Variants in MAD1L1 observed in about 807,000 individuals in gnomAD.
MAD1L1 encodes the protein mitotic arrest deficient 1 like 1.
A neutral mutation model predicts 96.9 loss-of-function variants in MAD1L1; 95 were observed. That is an observed-to-expected ratio of 0.98 (90% CI 0.83 to 1.16). The LOEUF (loss-of-function observed/expected upper bound fraction) is 1.16, where lower values mean the gene tolerates loss of function less well. Ranked by LOEUF, MAD1L1 falls within the 50% of genes most tolerant of loss-of-function variation. The probability of loss-of-function intolerance (pLI) is 0.00; values close to 1 mark genes in which losing one functional copy is unlikely to be tolerated. For synonymous variants in MAD1L1, 473 were observed against 396.6 expected, an observed-to-expected ratio of 1.19 and a Z score of -2.29; for missense variants, 1,007 against 954.4, an observed-to-expected ratio of 1.06 and a Z score of -0.73.
chr7:1,894,575 T>TG lies in MAD1L1; in HGVS notation c.1998+3624dup, dbSNP rs200691141. Among the ~76,000 whole-genome samples, 619 of 152,186 alleles carry TG rather than the reference T, an allele frequency of 4.1e-3. 5 individuals are homozygous for TG. Among genetic ancestry groups the TG allele is most frequent in the African/African-American group, 0.014 (566 of 41,514 alleles). On this transcript the variant is annotated intron_variant, in intron 18 of 18. Coordinates refer to ENST00000265854, the MANE Select transcript of MAD1L1 (RefSeq NM_001013836.2). Reference sequence around the variant, plus strand: ...CTCCACAGGTGAGGAGACTGAAACTTGGGGAGGTGAGGCTGCATGCCCAGT... The same window carrying TG: ...CTCCACAGGTGAGGAGACTGAAACTTGGGGGAGGTGAGGCTGCATGCCCAGT...
At chr7:2,011,674 G>C (rs755081237) in intron 13 of MAD1L1, among the ~76,000 whole-genome samples, 2 of 152,206 alleles carry the variant, frequency 1.3e-5, no homozygotes, top group Non-Finnish European at 2.9e-5. Context: ...CAAGGCATCA[G>C]GTCACGCTGT....
At chr7:1,989,301 C>G (rs1781300240) in intron 14 of MAD1L1, among the ~76,000 whole-genome samples, 1 of 152,240 alleles carries the variant, frequency 6.6e-6, no homozygotes. Flanking sequence ...TCTCTCACGC[C>G]CAGGAGCGTT....
chr7:1,970,419 C>T (rs1272136712), intron 15 of MAD1L1, among the ~76,000 whole-genome samples: 3 of 150,666 alleles, frequency 2.0e-5, no homozygotes, highest in Non-Finnish European at 3.0e-5. Context: ...CTGCAACCTC[C>T]ACCTCCCAGG....
chr7:1,890,991 G>A (rs941877448), intron 18 of MAD1L1, among the ~76,000 whole-genome samples: 3 of 152,058 alleles, frequency 2.0e-5, no homozygotes, highest in African/African-American at 7.2e-5. Context: ...GCGGGACCTC[G>A]GCGGGATCAG....
rs377349235 is a variant in MAD1L1 at position 2,022,488 on chromosome 7, G to A, written c.1219-7846C>T. Among the ~76,000 whole-genome samples, 129 of 152,112 alleles carry A rather than the reference G, an allele frequency of 8.5e-4. No individual in the cohort carries two copies. The East Asian group carries it at 0.016, about 19-fold the overall frequency. The stretch of plus-strand genomic sequence containing the variant: ...TCTACTAAAAATACAAAAATTAGCC[G>A]GGCATGGTGGCAAGATCACGCCACT... On this transcript the variant is annotated intron_variant, in intron 12 of 18. Transcript: ENST00000265854.
intron 10 of MAD1L1, among the ~76,000 whole-genome samples, chr7:2,150,385 G>A (rs560572838): frequency 4.6e-5 from 7 of 152,208 alleles, no homozygotes; most frequent in African/African-American, 4.8e-5. Flanking sequence ...CACTGGGCCC[G>A]ACCAGACTCT....
At chr7:2,145,090 C>T (rs552930677) in intron 11 of MAD1L1, among the ~76,000 whole-genome samples, 110 of 152,310 alleles carry the variant, frequency 7.2e-4, no homozygotes, top group Admixed American at 2.0e-3. Flanking sequence ...TAGGCTGCCC[C>T]GCTGCCCACT....
At chr7:1,843,527 C>G (rs1783403653) in intron 18 of MAD1L1, among the ~76,000 whole-genome samples, 1 of 152,208 alleles carries the variant, frequency 6.6e-6, no homozygotes, top group Non-Finnish European at 1.5e-5. Context: ...CTGAGGGCCT[C>G]CTGAAGTGCA....
intron 18 of MAD1L1, among the ~76,000 whole-genome samples, chr7:1,874,695 T>C (rs1016297629): frequency 1.6e-4 from 24 of 152,184 alleles, no homozygotes; most frequent in African/African-American, 3.6e-4. Context: ...ACCTGCTCGA[T>C]TGGGGCCTTG....
intron 14 of MAD1L1, among the ~76,000 whole-genome samples, chr7:1,983,154 G>GCACACA (rs976027470): frequency 9.5e-5 from 3 of 31,490 alleles, no homozygotes; most frequent in African/African-American, 3.9e-4. Flanking sequence ...GCGCGCGCGC[G>GCACACA]CACACACACA....
At chr7:1,826,069 C>T (rs966027624) in intron 18 of MAD1L1, among the ~76,000 whole-genome samples, 2 of 152,174 alleles carry the variant, frequency 1.3e-5, no homozygotes, top group African/African-American at 2.4e-5. Flanking sequence ...CTGAGCCTGC[C>T]GGGTACAGCG....
At chr7:1,988,656 G>A (rs1044713444) in intron 14 of MAD1L1, among the ~76,000 whole-genome samples, 3 of 152,352 alleles carry the variant, frequency 2.0e-5, no homozygotes, top group South Asian at 2.1e-4. Flanking sequence ...TGGCCCAGGC[G>A]CACAGCGTGG....
chr7:1,987,861 C>T (rs1443151265), intron 14 of MAD1L1, among the ~76,000 whole-genome samples: 15 of 152,144 alleles, frequency 9.9e-5, no homozygotes, highest in South Asian at 2.1e-4. Context: ...ACCGTGACGA[C>T]GGGGATACCA....
intron 12 of MAD1L1, among the ~76,000 whole-genome samples, chr7:2,054,623 G>A (rs1784314011): frequency 6.6e-6 from 1 of 152,148 alleles, no homozygotes; most frequent in African/African-American, 2.4e-5. Context: ...GGGAAAGGGC[G>A]ATATATTAAC....
At position 1,887,883 on chromosome 7, in the gene MAD1L1, G is replaced by GTATGTGGCTGCCTGTGCA. The variant is rs1562491996; in HGVS notation, c.1998+10316_1998+10317insTGCACAGGCAGCCACATA. On this transcript the variant is annotated intron_variant, in intron 18 of 18. Coordinates refer to ENST00000265854, the MANE Select transcript of MAD1L1 (RefSeq NM_001013836.2). ...TGCACGTGTGTGTGCAAGCATGCGT[G>GTATGTGGCTGCCTGTGCA]TGTGTGGCTGCCTGTGCATGTGTGT... is the stretch of plus-strand genomic sequence containing the variant. 2.7e-4 allele frequency among the ~76,000 whole-genome samples: 41 copies of GTATGTGGCTGCCTGTGCA among 152,080 alleles called. 2 individuals carry two copies. Among genetic ancestry groups the GTATGTGGCTGCCTGTGCA allele is most frequent in the African/African-American group, 8.2e-4 (34 of 41,484 alleles).
chr7:2,070,269 T>C (rs1584248798), intron 11 of MAD1L1, among the ~76,000 whole-genome samples: 1 of 152,308 alleles, frequency 6.6e-6, no homozygotes, highest in East Asian at 1.9e-4. Context: ...TTTCTGTGAT[T>C]CCGGGAACCC....
chr7:1,902,275 C>A (rs187434747), intron 17 of MAD1L1, among the ~76,000 whole-genome samples: 19 of 152,276 alleles, frequency 1.2e-4, no homozygotes, highest in Admixed American at 1.2e-3. Context: ...AGAGGCTTTA[C>A]AGTACTGAGG....
chr7:1,910,129 G>A (rs1375884892), intron 17 of MAD1L1, among the ~76,000 whole-genome samples: 5 of 152,126 alleles, frequency 3.3e-5, no homozygotes, highest in Non-Finnish European at 4.4e-5. Context: ...ATTTGGAGAA[G>A]AATCCTCCCC....
intron 11 of MAD1L1, among the ~76,000 whole-genome samples, chr7:2,135,725 T>C (rs1584403618): frequency 1.3e-5 from 2 of 152,290 alleles, no homozygotes; most frequent in Admixed American, 6.5e-5. Context: ...CGGCCACATA[T>C]GGGAGTCCTG....
Sources: gnomAD v4.1 joint callset for allele counts (sites outside exome capture counted in the v4.1 genomes callset) on GRCh38, gnomAD v4.1.1 for gene constraint, MANE v1.5 for transcripts, NCBI Gene and HGNC (gene_info 2026-07-23, HGNC 2026-07-21) for gene names.